HHIPL1: variants seen among roughly 807,000 people sequenced by gnomAD.
HHIPL1 encodes the protein HHIP-like protein 1.
HHIPL1 carries 43 observed loss-of-function variants against 61.8 expected under a neutral mutation model. The ratio of observed to expected loss-of-function variants is 0.70; its 90% confidence interval spans 0.55 to 0.90. The LOEUF (loss-of-function observed/expected upper bound fraction) is 0.90, where lower values mean the gene tolerates loss of function less well. HHIPL1 is among the 40% of genes least tolerant of loss of function. The probability of loss-of-function intolerance (pLI) is 0.00; values close to 1 mark genes in which losing one functional copy is unlikely to be tolerated. For synonymous variants in HHIPL1, 482 were observed against 515.8 expected, an observed-to-expected ratio of 0.93 and a Z score of 0.89; for missense variants, 1,056 against 1,157.7, an observed-to-expected ratio of 0.91 and a Z score of 1.28.
upstream of HHIPL1, among the ~76,000 whole-genome samples, chr14:99,640,877 CTTTTTTTTT>C (rs59137552): frequency 1.4e-5 from 1 of 69,856 alleles, no homozygotes; most frequent in Non-Finnish European, 2.7e-5. Context: ...ACTTCTTCTT[CTTTTTTTTT>C]TTTTTTTTTT....
the HHIPL1 span, among the ~76,000 whole-genome samples, chr14:99,620,638 G>A: frequency 6.6e-6 from 1 of 152,246 alleles, no homozygotes; most frequent in African/African-American, 2.4e-5. Flanking sequence ...GGGAAAGGGG[G>A]ACAGGGGCCA....
At position 99,659,724 on chromosome 14, in the gene HHIPL1, A is replaced by G. The variant is rs753481272; in HGVS notation, c.1343A>G (p.Tyr448Cys). Residue 448 changes from tyrosine (Y) to cysteine (C), a missense_variant, in exon 4 of 9, where the codon TAC becomes TGC. Tyr to Cys is a radical substitution (Grantham distance 194). Coordinates refer to ENST00000330710, the MANE Select transcript of HHIPL1 (RefSeq NM_001127258.3). The part of the protein sequence containing the change: ...GWRAREGFEC[Y>C]DRSLCANTSL... Reference sequence around the variant, plus strand: ...CGCGCGCGCGAAGGGTTCGAGTGCTACGACCGCAGCCTGTGCGCCAACACC... The same window carrying G: ...CGCGCGCGCGAAGGGTTCGAGTGCTGCGACCGCAGCCTGTGCGCCAACACC... 3 of 1,468,928 alleles carry G rather than the reference A, an allele frequency of 2.0e-6. No homozygotes were observed. The highest frequency in any genetic ancestry group is 2.7e-6 in the Non-Finnish European group (3 of 1,115,792). 91.0% of individuals were successfully genotyped at this position (1,468,928 alleles called of 1,614,324 possible).
intron 6 of HHIPL1, 103 bp downstream of exon 6, chr14:99,663,124 G>T: frequency 8.6e-7 from 1 of 1,162,204 alleles, no homozygotes; most frequent in Non-Finnish European, 1.2e-6. Context: ...GACCACACAG[G>T]CCTGAAATTA....
chr14:99,664,471 C>T (rs1336300057), intron 6 of HHIPL1, among the ~76,000 whole-genome samples: 1 of 151,334 alleles, frequency 6.6e-6, no homozygotes. Flanking sequence ...AAGGCTGTTC[C>T]TCAGCCCTCT....
intron 2 of HHIPL1, among the ~76,000 whole-genome samples, chr14:99,654,188 C>CAAAAAAAAAAAAAAAAA (rs754501639): frequency 1.1e-5 from 1 of 90,026 alleles, no homozygotes; most frequent in Non-Finnish European, 2.0e-5. Flanking sequence ...GACTCTGTCT[C>CAAAAAAAAAAAAAAAAA]AAAAAAAAAA....
At chr14:99,632,703 G>T in the HHIPL1 span, among the ~76,000 whole-genome samples, 2 of 152,094 alleles carry the variant, frequency 1.3e-5, no homozygotes, top group African/African-American at 4.8e-5. Context: ...TGCCTCCTGC[G>T]CTGTGCTGTA....
At chr14:99,645,560 G>C in intron 1 of HHIPL1, 98 bp downstream of exon 1, 2 of 1,180,478 alleles carry the variant, frequency 1.7e-6, no homozygotes, top group Non-Finnish European at 2.1e-6. Flanking sequence ...AAGAGTGGGC[G>C]GCGGACTCGG....
At chr14:99,673,393 G>A (rs1189395830) in intron 8 of HHIPL1, among the ~76,000 whole-genome samples, 1 of 150,920 alleles carries the variant, frequency 6.6e-6, no homozygotes, top group Non-Finnish European at 1.5e-5. Context: ...ACTAGGCCCT[G>A]TTCTGGCTGG....
chr14:99,618,574 G>A, the HHIPL1 span, among the ~76,000 whole-genome samples: 4 of 152,224 alleles, frequency 2.6e-5, no homozygotes, highest in African/African-American at 9.6e-5. Context: ...CCTGAACTGT[G>A]CGTACAGCCA....
chr14:99,622,579 C>T, the HHIPL1 span, among the ~76,000 whole-genome samples: 1 of 152,214 alleles, frequency 6.6e-6, no homozygotes, highest in Non-Finnish European at 1.5e-5. Flanking sequence ...CATGCTCCCC[C>T]CAACCTGTCT....
the HHIPL1 span, among the ~76,000 whole-genome samples, chr14:99,618,393 A>G: frequency 6.6e-6 from 1 of 152,234 alleles, no homozygotes; most frequent in Non-Finnish European, 1.5e-5. Context: ...ACTTGGAGAT[A>G]CTGAGCCCCA....
chr14:99,668,785 C>T lies in HHIPL1; in HGVS notation c.1730+482C>T, dbSNP rs1339535427. ...GGTCCATCTTCCACTGGGGAAAACA[C>T]ATTGGGGCTCCCTTCGCCGGCTCCA... On this transcript the variant is annotated intron_variant, in intron 7 of 8. Transcript: ENST00000330710. This position sits in a 1 kb window ranked among gnomAD's most constrained non-coding sequence, Gnocchi z 4.7. 5.0e-6 allele frequency: 8 copies of T among 1,606,662 alleles called. No homozygotes were observed. The highest frequency in any genetic ancestry group is 6.8e-6 in the Non-Finnish European group (8 of 1,178,406).
At chr14:99,628,798 C>T in the HHIPL1 span, among the ~76,000 whole-genome samples, 1 of 152,128 alleles carries the variant, frequency 6.6e-6, no homozygotes, top group African/African-American at 2.4e-5. Context: ...CAGCTCTCTT[C>T]CCCTCTCGGG....
At position 99,672,429 on chromosome 14, in the gene HHIPL1, T is replaced by C. The variant is rs750583984; in HGVS notation, c.1813+30T>C. 1.2e-5 allele frequency: 19 copies of C among 1,531,692 alleles called. No homozygotes were observed. In the South Asian group the frequency reaches 1.8e-4, roughly 14 times the overall value. 94.9% of individuals were successfully genotyped at this position (1,531,692 alleles called of 1,614,324 possible). ...GTGCCTGCCAGTGGGACACTGAGGGTTGGGGGAGAGATCCCGCAGCCCACA... is the reference window on the plus strand; with the variant it reads ...GTGCCTGCCAGTGGGACACTGAGGGCTGGGGGAGAGATCCCGCAGCCCACA... On this transcript the variant is annotated intron_variant, in intron 8 of 8. Transcript: ENST00000330710.
chr14:99,675,108 C>A lies in HHIPL1; in HGVS notation c.1831C>A (p.Arg611=), dbSNP rs1381857252. 74 of 1,163,612 alleles carry A rather than the reference C, an allele frequency of 6.4e-5. No homozygotes were observed. Among genetic ancestry groups the A allele is most frequent in the Non-Finnish European group, 7.7e-5 (72 of 932,332 alleles). 72.1% of individuals were successfully genotyped at this position (1,163,612 alleles called of 1,614,324 possible). A position where few individuals can be genotyped will look rare whatever the true frequency, so the allele number is the denominator to read the frequency against. Residue 611 remains arginine (R), a synonymous_variant, in exon 9 of 9, where the codon CGG becomes AGG. Coordinates refer to ENST00000330710, the MANE Select transcript of HHIPL1 (RefSeq NM_001127258.3). The surrounding 1 kb of genome is among the most constrained non-coding windows in gnomAD (Gnocchi z 5.4). ...VPKEKFIPKT[R]STPRPTARAP... is the part of the protein sequence containing the mutation. ...CTGCGCAGAGTTCATCCCGAAGACA[C>A]GGAGCACCCCGCGGCCTACAGCGCG...
chr14:99,669,208 A>G, intron 7 of HHIPL1: 1 of 1,223,538 alleles, frequency 8.2e-7, no homozygotes, highest in Non-Finnish European at 1.0e-6. Flanking sequence ...GAGGCCGCCC[A>G]GGTGCTGGGA....
the HHIPL1 span, among the ~76,000 whole-genome samples, chr14:99,614,248 G>A: frequency 6.6e-6 from 1 of 152,214 alleles, no homozygotes; most frequent in Non-Finnish European, 1.5e-5. Flanking sequence ...GCTGAGTCCT[G>A]TGGGTGCCCC....
chr14:99,647,573 G>T (rs1330381346), intron 1 of HHIPL1, among the ~76,000 whole-genome samples: 1 of 152,218 alleles, frequency 6.6e-6, no homozygotes, highest in Non-Finnish European at 1.5e-5. Flanking sequence ...TAACACTTCA[G>T]CCCAGGCGTC....
chr14:99,652,257 G>A lies in HHIPL1; in HGVS notation c.289G>A (p.Ala97Thr), dbSNP rs199936947. 237 of 1,611,342 alleles carry A rather than the reference G, an allele frequency of 1.5e-4. No individual in the cohort carries two copies. The highest frequency in any genetic ancestry group is 1.1e-4 in the Non-Finnish European group (134 of 1,178,774). The change falls in exon 2 of 9, where the codon GCC becomes ACC. Residue 97 changes from alanine to threonine, a missense_variant. Transcript: ENST00000330710. ...GCCGTATGCAGCCCACCTCTATGAC[G>A]CCGAGGACCCATTCACGCCCCTGCG... ...CSPYAAHLYD[A>T]EDPFTPLRTV...
Sources: allele counts gnomAD v4.1 joint callset (sites outside exome capture counted in the v4.1 genomes callset), GRCh38; gene constraint gnomAD v4.1.1; non-coding constraint Gnocchi (gnomAD v3.1); transcripts MANE v1.5; gene names NCBI Gene and HGNC (gene_info 2026-07-23, HGNC 2026-07-21).